UEVLD: variants seen among roughly 807,000 people sequenced by gnomAD.
The protein encoded by UEVLD is UEV and lactate/malate dehyrogenase domains.
A neutral mutation model predicts 58.6 loss-of-function variants in UEVLD; 47 were observed. The observed-to-expected ratio is 0.80, with a 90% CI of 0.63 to 1.02. The LOEUF is 1.02. Ranked by LOEUF, UEVLD falls within the 50% of genes least tolerant of loss-of-function variation. The probability of loss-of-function intolerance (pLI) is 0.00; values close to 1 mark genes in which losing one functional copy is unlikely to be tolerated. For synonymous variants in UEVLD, 197 were observed against 195.3 expected, an observed-to-expected ratio of 1.01 and a Z score of -0.07; for missense variants, 510 against 550.6, an observed-to-expected ratio of 0.93 and a Z score of 0.74.
intron 6 of UEVLD, among the ~76,000 whole-genome samples, chr11:18,562,054 C>T (rs1190139193): frequency 6.6e-6 from 1 of 152,112 alleles, no homozygotes; most frequent in Non-Finnish European, 1.5e-5. Context: ...GAATATTGTA[C>T]TTTGTATCAA....
chr11:18,578,732 T>C lies in UEVLD; in HGVS notation c.119A>G (p.Asp40Gly), dbSNP rs1198724071. 6.2e-7 allele frequency: 1 copy of C among 1,602,166 alleles called. No homozygotes were observed. Among genetic ancestry groups the C allele is most frequent in the Non-Finnish European group, 8.5e-7 (1 of 1,172,282 alleles). The change falls in exon 2 of 12, where the codon GAC (aspartate) becomes GGC (glycine). Residue 40 changes from aspartate to glycine, a missense_variant. Physicochemically the swap from Asp to Gly is moderately conservative, Grantham distance 94. Transcript: ENST00000396197. ...GAGGATATGATTCTTACCATAGGTG[T>C]CCATGGAATATTTGAAATGTGGGAA... Reference protein sequence around the residue: ...VFFPHFKYSMDTYVFKDSSQK... With the variant: ...VFFPHFKYSMGTYVFKDSSQK...
At chr11:18,533,213 G>A (rs1850648659) in intron 11 of UEVLD, among the ~76,000 whole-genome samples, 1 of 151,778 alleles carries the variant, frequency 6.6e-6, no homozygotes. Flanking sequence ...GTTTTGAAAT[G>A]TACAATAAAT....
intron 5 of UEVLD, 46 bp from the exon 6 acceptor site, chr11:18,565,056 A>T: frequency 7.0e-7 from 1 of 1,429,884 alleles, no homozygotes; most frequent in South Asian, 1.2e-5. Flanking sequence ...AATATCAAGA[A>T]TTTTTTTAGG....
At chr11:18,538,231 C>G (rs1432165322) in intron 9 of UEVLD, among the ~76,000 whole-genome samples, 1 of 152,096 alleles carries the variant, frequency 6.6e-6, no homozygotes, top group Non-Finnish European at 1.5e-5. Context: ...TATAAGCTCC[C>G]AGAGTGCAGG....
At chr11:18,587,081 G>A (rs912292069) in intron 1 of UEVLD, among the ~76,000 whole-genome samples, 16 of 152,062 alleles carry the variant, frequency 1.1e-4, no homozygotes, top group African/African-American at 3.9e-4. Context: ...CAGACTCTAT[G>A]CTATGCACTG....
intron 2 of UEVLD, among the ~76,000 whole-genome samples, chr11:18,578,006 C>T (rs1360584496): frequency 6.6e-6 from 1 of 151,858 alleles, no homozygotes; most frequent in Non-Finnish European, 1.5e-5. Context: ...ATATGATAGG[C>T]CGAATAAAGG....
intron 6 of UEVLD, among the ~76,000 whole-genome samples, chr11:18,563,129 CAAATAAATAA>C (rs1337155342): frequency 6.6e-6 from 1 of 150,686 alleles, no homozygotes; most frequent in East Asian, 1.9e-4. Context: ...CAAATAATTA[CAAATAAATAA>C]AACTTAGTAC....
At position 18,547,070 on chromosome 11, in the gene UEVLD, A is replaced by T. The variant is rs373771168; in HGVS notation, c.716-20T>A. 6.2e-7 allele frequency: 1 copy of T among 1,603,290 alleles called. No homozygotes were observed. Among genetic ancestry groups the T allele is most frequent in the Non-Finnish European group, 8.5e-7 (1 of 1,176,990 alleles). Reference sequence around the variant, plus strand: ...ACAAATCTAGTGAATGAAAAGAAACAGTCTGAGCTGAAGATACAGGCTTTA... The same window carrying T: ...ACAAATCTAGTGAATGAAAAGAAACTGTCTGAGCTGAAGATACAGGCTTTA... On this transcript the variant is annotated intron_variant, in intron 7 of 11. Transcript: ENST00000396197.
In UEVLD at chr11:18,549,783, C is replaced by T. The variant is rs141686627; in HGVS notation, c.716-2733G>A. ...CCCAAAGATTTTCCCATCAAGCTCTCGGGCCTTTTAATCAATTCCTCTGAG... is the reference window on the plus strand; with the variant it reads ...CCCAAAGATTTTCCCATCAAGCTCTTGGGCCTTTTAATCAATTCCTCTGAG... On this transcript the variant is annotated intron_variant, in intron 7 of 11. Coordinates refer to ENST00000396197, the MANE Select transcript of UEVLD (RefSeq NM_001040697.4). Among the ~76,000 whole-genome samples, 406 of 151,960 alleles carry T rather than the reference C, an allele frequency of 2.7e-3. 1 individual carries two copies. The highest frequency in any genetic ancestry group is 3.1e-3 in the Admixed American group (47 of 15,248).
rs368924304 is a variant in UEVLD at position 18,568,859 on chromosome 11, CCT to C, written c.357+1353_357+1354del. On this transcript the variant is annotated intron_variant, in intron 4 of 11. Transcript: ENST00000396197. ...CAACCTCACTGGACTCCAATATACC[CCT>C]GTCCTCCAGCCCTACTAGCTTTCTG... Among the ~76,000 whole-genome samples, 221 of 152,168 alleles carry C rather than the reference CCT, an allele frequency of 1.5e-3. 1 individual carries two copies. The highest frequency in any genetic ancestry group is 4.8e-3 in the African/African-American group (201 of 41,500).
At chr11:18,571,582 C>T (rs774410718) in intron 3 of UEVLD, among the ~76,000 whole-genome samples, 11 of 152,208 alleles carry the variant, frequency 7.2e-5, no homozygotes, top group Non-Finnish European at 1.5e-4. Context: ...CTACCCTGCA[C>T]ATCTAGCTTT....
intron 9 of UEVLD, among the ~76,000 whole-genome samples, chr11:18,541,776 C>T (rs889033756): frequency 3.3e-5 from 5 of 152,072 alleles, no homozygotes; most frequent in Non-Finnish European, 7.4e-5. Flanking sequence ...ATAAGATGGC[C>T]GAGAAGGCAA....
intron 3 of UEVLD, among the ~76,000 whole-genome samples, chr11:18,573,426 G>A (rs73422599): frequency 0.055 from 8,286 of 151,530 alleles, 499 homozygotes; most frequent in African/African-American, 0.15. Flanking sequence ...TCTTTTCAAC[G>A]TCTAACCAAG....
Position 18,558,327 on chromosome 11 carries a change from T to C in UEVLD, c.616A>G (p.Ile206Val). ...ACTLAISAKG[I>V]ADRLVLLDLS... The stretch of plus-strand genomic sequence containing the variant: ...TCTAAGAGGACAAGCCTGTCTGCAA[T>C]ACCCTGTACAGTAAGAGAAAGAACA... Residue 206 changes from isoleucine (I) to valine (V), a missense_variant, in exon 7 of 12, where the codon ATT becomes GTT. By Grantham distance (29) the Ile-to-Val change is conservative (BLOSUM62 3). Transcript: ENST00000396197. 1 of 1,599,944 alleles carries C rather than the reference T, an allele frequency of 6.3e-7. No individual in the cohort carries two copies. Among genetic ancestry groups the C allele is most frequent in the Non-Finnish European group, 8.5e-7 (1 of 1,172,674 alleles).
chr11:18,532,536 A>G, intron 11 of UEVLD, 49 bp from the exon 12 acceptor site: 2 of 1,421,218 alleles, frequency 1.4e-6, no homozygotes, highest in Non-Finnish European at 1.9e-6. Flanking sequence ...ATTGCAAAGA[A>G]GTTAATACAA....
chr11:18,554,871 C>G (rs917940065), intron 7 of UEVLD, among the ~76,000 whole-genome samples: 1 of 152,212 alleles, frequency 6.6e-6, no homozygotes, highest in African/African-American at 2.4e-5. Flanking sequence ...CTGCAGTCAT[C>G]TATGTGTGTT....
Position 18,546,886 on chromosome 11 carries a change from G to A in UEVLD, c.880C>T (p.Gln294Ter). ...SQHSVLLVASQPVEIMTYVTW... is the reference protein window; with the variant it reads ...SQHSVLLVAS ...TTAAAATAAAGCATTTTACCTGGTT[G>A]AGATGCAACGAGCAGGACACTGTGT... Residue 294 changes from glutamine (Q) to a stop codon, truncating the protein, a stop_gained, in exon 8 of 12, where the codon CAA (glutamine) becomes TAA (stop). Coordinates refer to ENST00000396197, the MANE Select transcript of UEVLD (RefSeq NM_001040697.4). LOFTEE classifies it high-confidence loss of function. 1.2e-6 allele frequency: 2 copies of A among 1,612,554 alleles called. No individual in the cohort carries two copies. The highest frequency in any genetic ancestry group is 1.7e-6 in the Non-Finnish European group (2 of 1,179,740).
At chr11:18,533,741 C>A (rs1850672256) in intron 11 of UEVLD, among the ~76,000 whole-genome samples, 1 of 152,190 alleles carries the variant, frequency 6.6e-6, no homozygotes, top group Admixed American at 6.5e-5. Context: ...GTCACCCAGG[C>A]TGGAGTTGCA....
intron 1 of UEVLD, chr11:18,587,629 C>A (rs1161835753): frequency 6.6e-6 from 1 of 151,960 alleles, no homozygotes; most frequent in Non-Finnish European, 1.5e-5. Context: ...ATGGTGAAAA[C>A]CCATCTCTAC....
Sources: allele counts gnomAD v4.1 joint callset (sites outside exome capture counted in the v4.1 genomes callset), GRCh38; gene constraint gnomAD v4.1.1; transcripts MANE v1.5; gene names NCBI Gene and HGNC (gene_info 2026-07-23, HGNC 2026-07-21).